Variants in NNMT observed in about 807,000 individuals in gnomAD.
The protein encoded by NNMT is nicotinamide N-methyltransferase.
Under a neutral mutation model 11.7 loss-of-function variants are expected in NNMT, and 10 were observed. That is an observed-to-expected ratio of 0.85 (90% confidence interval 0.53 to 1.45). The LOEUF (loss-of-function observed/expected upper bound fraction) is 1.45. NNMT is among the 40% of genes most tolerant of loss of function. The pLI, the probability that NNMT is intolerant of heterozygous loss-of-function variation, is 0.00. For synonymous variants in NNMT, 143 were observed against 133.8 expected, an observed-to-expected ratio of 1.07 and a Z score of -0.48; for missense variants, 381 against 319.4, an observed-to-expected ratio of 1.19 and a Z score of -1.47.
intron 2 of NNMT, among the ~76,000 whole-genome samples, chr11:114,291,088 T>G (rs752101568): frequency 8.5e-5 from 13 of 152,240 alleles, no homozygotes; most frequent in African/African-American, 3.1e-4. Flanking sequence ...CCTAGACTGT[T>G]ACAATGATTA....
upstream of NNMT, among the ~76,000 whole-genome samples, chr11:114,294,409 T>C (rs1295128747): frequency 7.0e-6 from 1 of 143,148 alleles, no homozygotes; most frequent in Non-Finnish European, 1.5e-5. Context: ...ACCCAAGAGG[T>C]GAAGGTTGCA....
intron 2 of NNMT, among the ~76,000 whole-genome samples, chr11:114,281,538 G>A (rs546134947): frequency 6.6e-6 from 1 of 152,292 alleles, no homozygotes; most frequent in East Asian, 1.9e-4. Flanking sequence ...AGCAAAGGGA[G>A]GGAGGGCTTT....
At chr11:114,268,947 G>C (rs1034764752) in intron 2 of NNMT, among the ~76,000 whole-genome samples, 2 of 152,090 alleles carry the variant, frequency 1.3e-5, no homozygotes, top group Non-Finnish European at 2.9e-5. Context: ...TTGTTACTCT[G>C]TCATGGCCAG....
intron 2 of NNMT, chr11:114,263,045 C>T (rs1945095667): frequency 6.6e-6 from 1 of 152,200 alleles, no homozygotes; most frequent in South Asian, 2.1e-4. Flanking sequence ...GAATACTCAC[C>T]TTACTCTCAG....
intron 2 of NNMT, among the ~76,000 whole-genome samples, chr11:114,273,257 C>T (rs1945185676): frequency 6.6e-6 from 1 of 152,214 alleles, no homozygotes; most frequent in Non-Finnish European, 1.5e-5. Context: ...AAGCTTCCAG[C>T]TTAGGCAGAT....
chr11:114,294,294 A>G (rs1343230759), upstream of NNMT, among the ~76,000 whole-genome samples: 1 of 152,052 alleles, frequency 6.6e-6, no homozygotes, highest in Non-Finnish European at 1.5e-5. Context: ...CCTGGCCAAT[A>G]TGATGAAACC....
chr11:114,273,689 A>G (rs1945189757), intron 2 of NNMT, among the ~76,000 whole-genome samples: 1 of 151,988 alleles, frequency 6.6e-6, no homozygotes, highest in African/African-American at 2.4e-5. Flanking sequence ...AAAATACTAA[A>G]ATTAGCCGGG....
upstream of NNMT, among the ~76,000 whole-genome samples, chr11:114,295,283 TGTCAGTGAG>T (rs1945364214): frequency 6.6e-6 from 1 of 152,140 alleles, no homozygotes; most frequent in African/African-American, 2.4e-5. Context: ...ATGGACATGT[TGTCAGTGAG>T]GTAGTGGTGT....
chr11:114,304,758 C>G (rs1246654109), intron 2 of NNMT, among the ~76,000 whole-genome samples: 1 of 152,174 alleles, frequency 6.6e-6, no homozygotes, highest in Non-Finnish European at 1.5e-5. Context: ...GAGAGGATCA[C>G]TTGAGCTTGG....
Position 114,274,806 on chromosome 11 carries a change from C to T in NNMT, c.-130+11872C>T, listed in dbSNP as rs552248702. Among the ~76,000 whole-genome samples, 7 of 152,286 alleles carry T rather than the reference C, an allele frequency of 4.6e-5. No homozygotes were observed. The South Asian group carries it at 1.4e-3, about 32-fold the overall frequency. On this transcript the variant is annotated intron_variant, in intron 2 of 4. Coordinates refer to the NNMT transcript ENST00000535401. ...CAGCTGGCTTTTGATGGCAGGCAAC[C>T]GTTCTGACTGGTCAGTGTTCCTGTT...
Position 114,313,356 on chromosome 11 carries a change from C to G in NNMT, c.*879C>G, listed in dbSNP as rs1285713350. ...ATTAGCTAGGTGTGGCGGCATATGC[C>G]TGTGGTCCCAGCTACTCAGGAGGCT... On this transcript the variant is annotated 3_prime_UTR_variant, in exon 3 of 3. Transcript: ENST00000299964. The G allele has an allele frequency of 1.3e-5, 2 of 152,120 alleles. No homozygotes were observed. The highest frequency in any genetic ancestry group is 4.8e-5 in the African/African-American group (2 of 41,398). 9.4% of individuals were successfully genotyped at this position (152,120 alleles called of 1,614,324 possible).
At chr11:114,262,224 G>C (rs1945088964) in intron 1 of NNMT, among the ~76,000 whole-genome samples, 1 of 152,050 alleles carries the variant, frequency 6.6e-6, no homozygotes, top group Non-Finnish European at 1.5e-5. Context: ...TAAGTTCAGG[G>C]GTACATGTGC....
At chr11:114,257,947 T>A (rs1240103216) in intron 1 of NNMT, 1 of 152,518 alleles carries the variant, frequency 6.6e-6, no homozygotes, top group Non-Finnish European at 1.5e-5. Context: ...TACATGCTCT[T>A]TGACCCAGAT....
At chr11:114,302,620 T>G (rs1945449169) in intron 2 of NNMT, among the ~76,000 whole-genome samples, 1 of 152,224 alleles carries the variant, frequency 6.6e-6, no homozygotes, top group African/African-American at 2.4e-5. Flanking sequence ...ATCTTTACTA[T>G]GTTTAAGTGT....
intron 2 of NNMT, among the ~76,000 whole-genome samples, chr11:114,301,853 A>T (rs911420911): frequency 1.3e-5 from 2 of 152,014 alleles, no homozygotes; most frequent in South Asian, 2.1e-4. Flanking sequence ...ATCAATTTTT[A>T]AAAAATGACA....
chr11:114,263,120 A>G (rs1945096396), intron 2 of NNMT, among the ~76,000 whole-genome samples: 1 of 152,086 alleles, frequency 6.6e-6, no homozygotes, highest in Non-Finnish European at 1.5e-5. Flanking sequence ...CCTTTTCCTG[A>G]ATTCTCCACA....
chr11:114,276,000 A>T (rs890102333), intron 2 of NNMT, among the ~76,000 whole-genome samples: 3 of 152,122 alleles, frequency 2.0e-5, no homozygotes, highest in African/African-American at 7.2e-5. Flanking sequence ...GTGTTTAAGG[A>T]AAGCGACTCA....
At position 114,311,652 on chromosome 11, in the gene NNMT, G is replaced by A. The variant is rs528988720; in HGVS notation, c.363-393G>A. 1.4e-3 allele frequency among the ~76,000 whole-genome samples: 207 copies of A among 152,222 alleles called. 1 individual carries two copies. Among genetic ancestry groups the A allele is most frequent in the African/African-American group, 4.6e-3 (192 of 41,530 alleles). The stretch of plus-strand genomic sequence containing the variant: ...CTTATTCTGTATGGGTCAAGTAGCC[G>A]CTAACTTACAGTTTGGCAGATGGAT... On this transcript the variant is annotated intron_variant, in intron 2 of 2. Coordinates refer to ENST00000299964, the MANE Select transcript of NNMT (RefSeq NM_006169.3).
rs766749152 is a variant in NNMT, at chr11:114,312,076, A to G, written c.394A>G (p.Arg132Gly). Reference sequence around the variant, plus strand: ...GGGTCCAGAGAAGGAGGAGAAGTTGAGACAGGCGGTCAAGCAGGTGCTGAA... The same window carrying G: ...GGGTCCAGAGAAGGAGGAGAAGTTGGGACAGGCGGTCAAGCAGGTGCTGAA... ...VKGPEKEEKL[R>G]QAVKQVLKCD... is the part of the protein sequence containing the mutation. The change falls in exon 3 of 3, where the codon AGA (arginine) becomes GGA (glycine). Residue 132 changes from arginine to glycine, a missense_variant. Coordinates refer to ENST00000299964, the MANE Select transcript of NNMT (RefSeq NM_006169.3). 1 of 1,590,986 alleles carries G rather than the reference A, an allele frequency of 6.3e-7. No homozygotes were observed. Among genetic ancestry groups the G allele is most frequent in the African/African-American group, 1.3e-5 (1 of 74,592 alleles).
Sources: allele counts gnomAD v4.1 joint callset (sites outside exome capture counted in the v4.1 genomes callset), GRCh38; gene constraint gnomAD v4.1.1; transcripts MANE v1.5; gene names NCBI Gene and HGNC (gene_info 2026-07-23, HGNC 2026-07-21).